Variants in MS4A7 observed in about 807,000 individuals in gnomAD.
MS4A7 encodes the protein membrane-spanning 4-domains subfamily A member 7.
In MS4A7, 21 loss-of-function variants were observed where a neutral mutation model predicts 23.5. That is an observed-to-expected ratio of 0.89 (90% CI 0.63 to 1.29). MS4A7 has a LOEUF of 1.29. MS4A7 is among the 50% of genes most tolerant of loss of function. MS4A7 has a pLI of 0.00. For missense variants in MS4A7, 263 were observed against 274.2 expected (o/e 0.96, Z 0.29); for synonymous variants, 111 against 107.4 (o/e 1.03, Z -0.21).
At chr11:60,385,666 C>T (rs986857808) in intron 3 of MS4A7, among the ~76,000 whole-genome samples, 9 of 152,248 alleles carry the variant, frequency 5.9e-5, no homozygotes, top group Admixed American at 5.9e-4. Flanking sequence ...TTTGGATTAA[C>T]AAGGGTAAGA....
intron 6 of MS4A7, 148 bp from the exon 7 acceptor site, chr11:60,393,639 T>C: frequency 2.1e-6 from 1 of 475,446 alleles, no homozygotes; most frequent in Non-Finnish European, 3.7e-6. Flanking sequence ...AATTGCATTA[T>C]TTTTAATTAA....
chr11:60,392,843 A>G, intron 6 of MS4A7, 57 bp downstream of exon 6: 2 of 1,264,132 alleles, frequency 1.6e-6, no homozygotes, highest in East Asian at 2.3e-5. Flanking sequence ...AGGCTACAAT[A>G]ATCCAACCTC....
chr11:60,385,059 G>A (rs1180612614), intron 2 of MS4A7, 29 bp from the exon 3 acceptor site: 62 of 1,606,174 alleles, frequency 3.9e-5, no homozygotes, highest in Non-Finnish European at 4.7e-5. Context: ...TTGAAGTGCA[G>A]TCTAGATTTC....
At chr11:60,393,265 C>G (rs1260069318) in intron 6 of MS4A7, among the ~76,000 whole-genome samples, 1 of 152,124 alleles carries the variant, frequency 6.6e-6, no homozygotes, top group Admixed American at 6.5e-5. Context: ...CATAGCCCAA[C>G]CCCTCATGAA....
chr11:60,395,058 G>A lies in MS4A7; in HGVS notation c.*1197G>A. On this transcript the variant is annotated 3_prime_UTR_variant, in exon 7 of 7. Coordinates refer to ENST00000300184, the MANE Select transcript of MS4A7 (RefSeq NM_021201.5). ...TGCTGCTCATGCTGAAAAGAATAAT[G>A]TCTATTTCTTTGTTTGGGTATTAGC... is the stretch of plus-strand genomic sequence containing the variant. 1.8e-6 allele frequency: 1 copy of A among 551,794 alleles called. No individual in the cohort carries two copies. The highest frequency in any genetic ancestry group is 3.3e-6 in the Non-Finnish European group (1 of 304,250). The allele number at this position is 551,794 out of a possible 1,614,324, so 34.2% of individuals were successfully genotyped here. A position where few individuals can be genotyped will look rare whatever the true frequency, so the allele number is the denominator to read the frequency against.
chr11:60,384,995 A>ATTTT lies in MS4A7; in HGVS notation c.148-92_148-89dup, dbSNP rs79791578. 5.8e-6 allele frequency: 7 copies of ATTTT among 1,198,536 alleles called. No homozygotes were observed. In the East Asian group the frequency reaches 1.7e-4, roughly 29 times the overall value. The allele number at this position is 1,198,536 out of a possible 1,614,324, so 74.2% of individuals were successfully genotyped here. ...TCTTTAATATAACAAATTATAATGT[A>ATTTT]TTTTATACTCTTTATACTTTACCGT... On this transcript the variant is annotated intron_variant, in intron 2 of 6. Transcript: ENST00000300184.
At chr11:60,385,962 C>T (rs928034183) in intron 3 of MS4A7, among the ~76,000 whole-genome samples, 1 of 152,212 alleles carries the variant, frequency 6.6e-6, no homozygotes, top group African/African-American at 2.4e-5. Context: ...TGTGCAGTCA[C>T]ATAAGGAGGC....
Position 60,394,008 on chromosome 11 carries a change from C to T in MS4A7, c.*147C>T, listed in dbSNP as rs1014014289. On this transcript the variant is annotated 3_prime_UTR_variant, in exon 7 of 7. Transcript: ENST00000300184. Reference sequence around the variant, plus strand: ...TGTTTTGTATTTGTTTACTATGAGTCGTTATTTAATTTCTCTTGAAAATAA... The same window carrying T: ...TGTTTTGTATTTGTTTACTATGAGTTGTTATTTAATTTCTCTTGAAAATAA... The T allele has an allele frequency of 1.1e-5, 5 of 459,548 alleles. No homozygotes were observed. Among genetic ancestry groups the T allele is most frequent in the Non-Finnish European group, 1.9e-5 (5 of 263,972 alleles). 28.5% of individuals were successfully genotyped at this position (459,548 alleles called of 1,614,324 possible). A position where few individuals can be genotyped will look rare whatever the true frequency, so the allele number is the denominator to read the frequency against.
chr11:60,381,639 A>C (rs1454803927), intron 1 of MS4A7, among the ~76,000 whole-genome samples: 1 of 152,232 alleles, frequency 6.6e-6, no homozygotes, highest in Non-Finnish European at 1.5e-5. Context: ...CATCAATATC[A>C]GAACTGGGCT....
chr11:60,392,945 C>A (rs558646079), intron 6 of MS4A7, among the ~76,000 whole-genome samples, 159 bp downstream of exon 6: 12 of 152,224 alleles, frequency 7.9e-5, no homozygotes, highest in Non-Finnish European at 1.2e-4. Flanking sequence ...AACAGTGAAA[C>A]CCCATCTCTA....
chr11:60,381,843 C>A (rs2085432128), intron 1 of MS4A7, among the ~76,000 whole-genome samples: 1 of 152,194 alleles, frequency 6.6e-6, no homozygotes, highest in South Asian at 2.1e-4. Context: ...GACTCCAAGA[C>A]ATATGGTCAG....
In MS4A7 at chr11:60,385,159, C is replaced by G; in HGVS notation, c.219C>G (p.Ser73=). 6.2e-7 allele frequency: 1 copy of G among 1,614,154 alleles called. No individual in the cohort carries two copies. Residue 73 remains serine (S), a synonymous_variant, in exon 3 of 7, where the codon TCC becomes TCG. Coordinates refer to ENST00000300184, the MANE Select transcript of MS4A7 (RefSeq NM_021201.5). The part of the protein sequence containing the change: ...GAILVFAPYP[S]HFNPAISTTL... The stretch of plus-strand genomic sequence containing the variant: ...TCTTGGTTTTTGCTCCCTACCCCTC[C>G]CACTTCAATCCAGCAATTTCCACCA...
At chr11:60,387,755 C>A (rs555046493) in intron 4 of MS4A7, among the ~76,000 whole-genome samples, 30 of 152,266 alleles carry the variant, frequency 2.0e-4, no homozygotes, top group African/African-American at 6.7e-4. Context: ...GACCTTTGGT[C>A]CCTCCCTAGA....
rs2085595436 is a variant in MS4A7 at position 60,394,808 on chromosome 11, A to C, written c.*947A>C. 9.0e-6 allele frequency: 3 copies of C among 332,436 alleles called. No individual in the cohort carries two copies. The highest frequency in any genetic ancestry group is 1.6e-5 in the Non-Finnish European group (3 of 188,928). 20.6% of individuals were successfully genotyped at this position (332,436 alleles called of 1,614,324 possible). A position where few individuals can be genotyped will look rare whatever the true frequency, so the allele number is the denominator to read the frequency against. On this transcript the variant is annotated 3_prime_UTR_variant, in exon 7 of 7. Transcript: ENST00000300184. ...CAAGAACAAAACTCCATCTCAAAAT[A>C]AATAAAAAAATAAATAAAAATAAAA... is the stretch of plus-strand genomic sequence containing the variant.
At chr11:60,389,756 C>A (rs763060537) in intron 5 of MS4A7, 160 bp downstream of exon 5, 10 of 662,974 alleles carry the variant, frequency 1.5e-5, no homozygotes, top group Non-Finnish European at 2.7e-5. Flanking sequence ...TGTCTGCTGA[C>A]TGCATGGTGT....
chr11:60,394,162 T>G lies in MS4A7; in HGVS notation c.*301T>G, dbSNP rs1470941703. On this transcript the variant is annotated 3_prime_UTR_variant, in exon 7 of 7. Coordinates refer to ENST00000300184, the MANE Select transcript of MS4A7 (RefSeq NM_021201.5). ...AAGGGAAAATGTGCACTCATGCTAG[T>G]GTGAATTTGGTAAGTTGCGTGACTC... The G allele has an allele frequency of 4.3e-6, 1 of 230,824 alleles. No individual in the cohort carries two copies. The highest frequency in any genetic ancestry group is 2.3e-5 in the African/African-American group (1 of 44,178). 14.3% of individuals were successfully genotyped at this position (230,824 alleles called of 1,614,324 possible). A position where few individuals can be genotyped will look rare whatever the true frequency, so the allele number is the denominator to read the frequency against.
intron 1 of MS4A7, among the ~76,000 whole-genome samples, chr11:60,382,495 T>C (rs2085441459): frequency 6.6e-6 from 1 of 152,216 alleles, no homozygotes; most frequent in South Asian, 2.1e-4. Context: ...TACAGGGTTG[T>C]TATAAGGATT....
chr11:60,390,519 A>T (rs916185603), intron 5 of MS4A7, among the ~76,000 whole-genome samples: 2 of 152,168 alleles, frequency 1.3e-5, no homozygotes, highest in African/African-American at 4.8e-5. Context: ...GGGTCTGCTC[A>T]TGTGACCCAG....
intron 1 of MS4A7, among the ~76,000 whole-genome samples, chr11:60,381,190 T>C (rs2085425079): frequency 6.6e-6 from 1 of 152,206 alleles, no homozygotes; most frequent in Non-Finnish European, 1.5e-5. Context: ...ACACTTTTTC[T>C]CCTTCTCTGG....
Sources: allele counts gnomAD v4.1 joint callset (sites outside exome capture counted in the v4.1 genomes callset), GRCh38; gene constraint gnomAD v4.1.1; transcripts MANE v1.5; gene names NCBI Gene and HGNC (gene_info 2026-07-23, HGNC 2026-07-21).